RORA: variants seen among roughly 807,000 people sequenced by gnomAD.
The protein encoded by RORA is RAR related orphan receptor A.
RORA carries 7 observed loss-of-function variants against 69.5 expected under a neutral mutation model. That is an observed-to-expected ratio of 0.10 (90% CI 0.06 to 0.19). RORA has a LOEUF of 0.19. RORA is among the 10% of genes least tolerant of loss of function. The pLI is 1.00. For missense variants in RORA, 457 were observed against 663.0 expected (o/e 0.69, Z 3.41); for synonymous variants, 261 against 240.8 (o/e 1.08, Z -0.78).
intron 1 of RORA, among the ~76,000 whole-genome samples, chr15:60,795,508 C>A (rs569844824): frequency 1.3e-5 from 2 of 152,172 alleles, no homozygotes; most frequent in Non-Finnish European, 2.9e-5. Context: ...AAGGCTCAGT[C>A]TTTAAACTGT....
chr15:61,207,711 T>C (rs2079955062), intron 1 of RORA, among the ~76,000 whole-genome samples: 1 of 152,252 alleles, frequency 6.6e-6, no homozygotes, highest in Non-Finnish European at 1.5e-5. Context: ...ATAATTCTGA[T>C]GACTTCCAGA....
intron 1 of RORA, among the ~76,000 whole-genome samples, chr15:61,079,554 T>C (rs549263649): frequency 5.9e-5 from 9 of 152,230 alleles, no homozygotes; most frequent in Non-Finnish European, 1.2e-4. Context: ...CCTACTGATT[T>C]ACCTACTCAG....
intron 1 of RORA, among the ~76,000 whole-genome samples, chr15:61,163,960 T>C (rs1465215751): frequency 6.6e-6 from 1 of 152,160 alleles, no homozygotes; most frequent in Non-Finnish European, 1.5e-5. Context: ...TAATCCAAAT[T>C]AGTCAGATCA....
At chr15:60,740,509 A>T (rs905056840) in intron 1 of RORA, among the ~76,000 whole-genome samples, 6 of 152,228 alleles carry the variant, frequency 3.9e-5, no homozygotes, top group Admixed American at 3.9e-4. Flanking sequence ...CCAAAGCTGG[A>T]CTATCTCCAT....
chr15:60,736,357 T>C (rs1185712024), intron 1 of RORA, among the ~76,000 whole-genome samples: 1 of 152,224 alleles, frequency 6.6e-6, no homozygotes, highest in Non-Finnish European at 1.5e-5. Flanking sequence ...CAACCCATTC[T>C]GTCTCCCTCT....
At chr15:60,746,624 A>G (rs1354063543) in intron 1 of RORA, among the ~76,000 whole-genome samples, 1 of 152,202 alleles carries the variant, frequency 6.6e-6, no homozygotes, top group Non-Finnish European at 1.5e-5. Flanking sequence ...AGGAGACAGA[A>G]GTTTCTATTA....
At chr15:61,179,382 A>T (rs2079661213) in intron 1 of RORA, among the ~76,000 whole-genome samples, 1 of 152,272 alleles carries the variant, frequency 6.6e-6, no homozygotes, top group South Asian at 2.1e-4. Context: ...GACATAAAAG[A>T]GATACGCAAA....
chr15:60,490,047 T>A lies in RORA; in HGVS notation c.*7408A>T, dbSNP rs999350151. ...TATCCATACTAAGGAAGTAATTTTATCCTAATTAAATACACTCTAGAATAA... is the reference window on the plus strand; with the variant it reads ...TATCCATACTAAGGAAGTAATTTTAACCTAATTAAATACACTCTAGAATAA... On this transcript the variant is annotated 3_prime_UTR_variant, in exon 11 of 11. Transcript: ENST00000335670. This position sits in a 1 kb window ranked among gnomAD's most constrained non-coding sequence, Gnocchi z 4.1. 6.6e-6 allele frequency: 1 copy of A among 151,978 alleles called. No homozygotes were observed. The highest frequency in any genetic ancestry group is 2.4e-5 in the African/African-American group (1 of 41,410). The allele number at this position is 151,978 out of a possible 1,614,324, so 9.4% of individuals were successfully genotyped here.
chr15:61,048,925 T>C (rs1039646057), intron 1 of RORA, among the ~76,000 whole-genome samples: 6 of 152,168 alleles, frequency 3.9e-5, no homozygotes, highest in African/African-American at 1.4e-4. Flanking sequence ...CTCCACACCA[T>C]CTTCCACTTT....
intron 1 of RORA, among the ~76,000 whole-genome samples, chr15:61,173,962 G>A (rs1362932763): frequency 6.6e-6 from 1 of 152,196 alleles, no homozygotes; most frequent in East Asian, 1.9e-4. Flanking sequence ...CAGCAGGTGA[G>A]GGGCCTGGGA....
At chr15:60,797,967 G>T (rs2072521552) in intron 1 of RORA, among the ~76,000 whole-genome samples, 1 of 152,124 alleles carries the variant, frequency 6.6e-6, no homozygotes, top group Admixed American at 6.5e-5. Flanking sequence ...ATGTGTAGAA[G>T]ATTAATACGA....
chr15:60,842,551 T>C (rs1035917829), intron 1 of RORA, among the ~76,000 whole-genome samples: 2 of 152,232 alleles, frequency 1.3e-5, no homozygotes, highest in Admixed American at 1.3e-4. Context: ...CCTGTAGAGA[T>C]GAAGCAGCTT....
chr15:60,783,628 C>T (rs1385683756), intron 1 of RORA, among the ~76,000 whole-genome samples: 2 of 152,216 alleles, frequency 1.3e-5, no homozygotes, highest in Non-Finnish European at 2.9e-5. Context: ...AGTCTCTGGT[C>T]TAAGTCAGGT....
intron 1 of RORA, among the ~76,000 whole-genome samples, chr15:60,845,389 G>A (rs566653609): frequency 6.6e-5 from 10 of 152,238 alleles, no homozygotes; most frequent in South Asian, 2.1e-4. Flanking sequence ...CTAATGCCTC[G>A]TCCCTATTTC....
chr15:60,850,548 T>C (rs993791241), intron 1 of RORA, among the ~76,000 whole-genome samples: 8 of 152,206 alleles, frequency 5.3e-5, no homozygotes, highest in African/African-American at 1.9e-4. Flanking sequence ...GAGCAGATTA[T>C]ATGATGCCTA....
intron 1 of RORA, among the ~76,000 whole-genome samples, chr15:60,819,889 T>G (rs902030707): frequency 2.6e-5 from 4 of 152,076 alleles, no homozygotes; most frequent in African/African-American, 9.7e-5. Flanking sequence ...GGGAGGCTCC[T>G]TAAGTGAATC....
At chr15:60,985,582 C>CT (rs11451387) in intron 1 of RORA, among the ~76,000 whole-genome samples, 26,128 of 99,884 alleles carry the variant, frequency 0.26, 4,373 homozygotes, top group African/African-American at 0.32. Flanking sequence ...AACTCATCCT[C>CT]TTTTTTTTTT....
chr15:61,213,227 G>A lies in RORA; in HGVS notation c.166+15826C>T, dbSNP rs2080009506. On this transcript the variant is annotated intron_variant, in intron 1 of 10. Coordinates refer to ENST00000335670, the MANE Select transcript of RORA (RefSeq NM_134261.3). This position sits in a 1 kb window ranked among gnomAD's most constrained non-coding sequence, Gnocchi z 4.1. ...ATGTTCTTCCAACTCCACTTCCTGG[G>A]GAATCCTACCGCAGAGTCAACTCTT... 6.6e-6 allele frequency among the ~76,000 whole-genome samples: 1 copy of A among 151,862 alleles called. No individual in the cohort carries two copies. The highest frequency in any genetic ancestry group is 6.6e-5 in the Admixed American group (1 of 15,250).
intron 1 of RORA, among the ~76,000 whole-genome samples, chr15:61,092,226 G>C (rs750066084): frequency 6.6e-6 from 1 of 152,196 alleles, no homozygotes; most frequent in African/African-American, 2.4e-5. Context: ...AAATAACGAA[G>C]GGTGCTGGTG....
Sources: allele counts gnomAD v4.1 joint callset (sites outside exome capture counted in the v4.1 genomes callset), GRCh38; gene constraint gnomAD v4.1.1; non-coding constraint Gnocchi (gnomAD v3.1); transcripts MANE v1.5; gene names NCBI Gene and HGNC (gene_info 2026-07-23, HGNC 2026-07-21).